Variants in VPS28 observed in about 807,000 individuals in gnomAD.
VPS28 encodes the protein VPS28 subunit of ESCRT-I.
A neutral mutation model predicts 33.7 loss-of-function variants in VPS28; 29 were observed. That is an observed-to-expected ratio of 0.86 (90% CI 0.64 to 1.17). The LOEUF (loss-of-function observed/expected upper bound fraction) is 1.17. VPS28 is among the 50% of genes most tolerant of loss of function. The pLI, the probability that VPS28 is intolerant of heterozygous loss-of-function variation, is 0.00. For synonymous variants in VPS28, 164 were observed against 116.7 expected, an observed-to-expected ratio of 1.40 and a Z score of -2.61; for missense variants, 247 against 312.2, an observed-to-expected ratio of 0.79 and a Z score of 1.57.
At chr8:144,425,839 C>A in intron 4 of VPS28, 67 bp from the exon 5 acceptor site, 2 of 1,602,690 alleles carry the variant, frequency 1.2e-6, no homozygotes, top group Non-Finnish European at 1.7e-6. Flanking sequence ...AGTGCTACCC[C>A]CTGCCCGGAG....
rs1377977051 is a variant in VPS28 at position 144,424,346 on chromosome 8, C to T, written c.403-78G>A. On this transcript the variant is annotated intron_variant, in intron 7 of 9. Transcript: ENST00000292510. ...CACGGCTCACGGGCCCCAACCCCTC[C>T]TCAGCCACAGCTGTCACTTGGGCCT... 1.4e-5 allele frequency: 21 copies of T among 1,509,300 alleles called. No homozygotes were observed. The Middle Eastern group carries it at 3.7e-3, about 267-fold the overall frequency. The allele number at this position is 1,509,300 out of a possible 1,614,324, so 93.5% of individuals were successfully genotyped here.
chr8:144,426,120 T>G, intron 3 of VPS28, 57 bp from the exon 4 acceptor site: 1 of 1,575,968 alleles, frequency 6.3e-7, no homozygotes, highest in South Asian at 1.2e-5. Context: ...AGGACCCTGG[T>G]GAGGCCACAC....
chr8:144,424,304 A>G (rs2130814973), intron 7 of VPS28, 36 bp from the exon 8 acceptor site: 1 of 1,556,074 alleles, frequency 6.4e-7, no homozygotes, highest in South Asian at 1.2e-5. Context: ...TCGCGTGTCC[A>G]CGGGTGCGGG....
At chr8:144,424,330 C>A in intron 7 of VPS28, 62 bp from the exon 8 acceptor site, 1 of 1,528,966 alleles carries the variant, frequency 6.5e-7, no homozygotes, top group South Asian at 1.3e-5. Flanking sequence ...CCACGGCTCA[C>A]GGGCCCCAAC....
rs1554876237 is a variant in VPS28, at chr8:144,424,769, G to A, written c.351C>T (p.Thr117=). Reference sequence around the variant, plus strand: ...TGAGGTTGCCCTTGTCGTCCTTGATGGTGATGGGCCGGTCCTCCTTGATCC... The same window carrying A: ...TGAGGTTGCCCTTGTCGTCCTTGATAGTGATGGGCCGGTCCTCCTTGATCC... ...MERIKEDRPI[T]IKDDKGNLNR... is the part of the protein sequence containing the mutation. Residue 117 remains threonine (T), a synonymous_variant, in exon 7 of 10, where the codon ACC becomes ACT. Coordinates refer to ENST00000292510, the MANE Select transcript of VPS28 (RefSeq NM_016208.4). 4.3e-6 allele frequency: 7 copies of A among 1,613,736 alleles called. No homozygotes were observed. Among genetic ancestry groups the A allele is most frequent in the Non-Finnish European group, 5.1e-6 (6 of 1,179,976 alleles).
At chr8:144,424,670 A>G (rs782296725) in intron 7 of VPS28, 48 bp downstream of exon 7, 4 of 1,591,410 alleles carry the variant, frequency 2.5e-6, no homozygotes, top group East Asian at 4.5e-5. Flanking sequence ...CAGCTGCAGC[A>G]GGCAGCCTCG....
In VPS28 at chr8:144,423,926, G is replaced by C. The variant is rs1554875836; in HGVS notation, c.549-4C>G. 3 of 1,613,134 alleles carry C rather than the reference G, an allele frequency of 1.9e-6. No homozygotes were observed. Among genetic ancestry groups the C allele is most frequent in the East Asian group, 2.2e-5 (1 of 44,890 alleles). On this transcript the variant is annotated splice_polypyrimidine_tract_variant and splice_region_variant and intron_variant, in intron 9 of 9. Transcript: ENST00000292510. ...CATGCCGCTCAGGGTCTGCAGCCTG[G>C]GAGTGCAGCACAGGGCATGTGGGGG...
intron 4 of VPS28, 107 bp from the exon 5 acceptor site, chr8:144,425,879 T>TG (rs1822697071): frequency 1.3e-6 from 2 of 1,553,602 alleles, no homozygotes; most frequent in Non-Finnish European, 1.7e-6. Flanking sequence ...GCCCACCTCT[T>TG]GCTCCATCCT....
chr8:144,423,992 G>A, intron 9 of VPS28, 49 bp downstream of exon 9: 1 of 1,608,818 alleles, frequency 6.2e-7, no homozygotes, highest in Non-Finnish European at 8.5e-7. Flanking sequence ...GCCTGGCTGG[G>A]AGGGTCTCGG....
intron 2 of VPS28, 56 bp from the exon 3 acceptor site, chr8:144,426,264 A>T (rs1258260407): frequency 1.3e-6 from 2 of 1,520,610 alleles, no homozygotes; most frequent in East Asian, 4.7e-5. Context: ...CCAAGGGCAG[A>T]CTCCAGTCCC....
rs782377453 is a variant in VPS28, at chr8:144,426,921, G to T, written c.25C>A (p.Pro9Thr). 8 of 1,612,688 alleles carry T rather than the reference G, an allele frequency of 5.0e-6. No homozygotes were observed. The East Asian group carries it at 1.6e-4, about 31-fold the overall frequency. ...CAGCCACACTCACCTCCTATGCCCG[G>T]CGTGGCTGGGATCCCATGAAACATC... MFHGIPAT[P>T]GIGAPGNKPE... The change falls in exon 2 of 10, where the codon CCG (proline) becomes ACG (threonine). Residue 9 changes from proline to threonine, a missense_variant. Pro to Thr is a conservative substitution (Grantham distance 38, BLOSUM62 -1). This residue lies in a region of VPS28 where 149 missense variants were observed against 172.8 expected (regional missense o/e 0.86). Transcript: ENST00000292510.
rs368936001 is a variant in VPS28 at position 144,425,212 on chromosome 8, G to A, written c.195-161C>T. ...GGGGCTGCTAGTAGCTTTTGGGGGT[G>A]AGGCCCTGAGCACGTAGTGGGGCTT... On this transcript the variant is annotated intron_variant, in intron 5 of 9. Coordinates refer to ENST00000292510, the MANE Select transcript of VPS28 (RefSeq NM_016208.4). 31 of 649,622 alleles carry A rather than the reference G, an allele frequency of 4.8e-5. No individual in the cohort carries two copies. The East Asian group carries it at 5.2e-4, about 11-fold the overall frequency. The allele number at this position is 649,622 out of a possible 1,614,324, so 40.2% of individuals were successfully genotyped here.
intron 2 of VPS28, 113 bp downstream of exon 2, chr8:144,426,796 G>T: frequency 8.1e-7 from 1 of 1,227,380 alleles, no homozygotes; most frequent in Non-Finnish European, 1.2e-6. Context: ...CACCCCCAAG[G>T]CTGTACGAGA....
intron 5 of VPS28, 28 bp from the exon 6 acceptor site, chr8:144,425,079 C>A: frequency 6.5e-7 from 1 of 1,543,590 alleles, no homozygotes; most frequent in Non-Finnish European, 8.8e-7. Context: ...GCTGCCCAAG[C>A]ATGGGACCAG....
At chr8:144,427,579 A>G (rs1385372252) in intron 1 of VPS28, among the ~76,000 whole-genome samples, 2 of 152,184 alleles carry the variant, frequency 1.3e-5, no homozygotes, top group Non-Finnish European at 2.9e-5. Flanking sequence ...GGCACAGGAA[A>G]CAACACACTT....
chr8:144,427,779 A>G (rs775663619), intron 1 of VPS28, among the ~76,000 whole-genome samples: 1 of 152,268 alleles, frequency 6.6e-6, no homozygotes, highest in Non-Finnish European at 1.5e-5. Flanking sequence ...CCAGCTCCAG[A>G]CGTTCTCTCT....
At position 144,423,699 on chromosome 8, in the gene VPS28, T is replaced by C. The variant is rs1822519742; in HGVS notation, c.*106A>G. ...CAAAGACAGACACCAGACAGGCAGC[T>C]GCAGACAGTGAGTTGTGTGGATGAC... On this transcript the variant is annotated 3_prime_UTR_variant, in exon 10 of 10. Coordinates refer to ENST00000292510, the MANE Select transcript of VPS28 (RefSeq NM_016208.4). 7.1e-7 allele frequency: 1 copy of C among 1,414,496 alleles called. No individual in the cohort carries two copies. The highest frequency in any genetic ancestry group is 1.4e-5 in the African/African-American group (1 of 70,734). 87.6% of individuals were successfully genotyped at this position (1,414,496 alleles called of 1,614,324 possible).
At chr8:144,426,861 G>T in intron 2 of VPS28, 48 bp downstream of exon 2, 1 of 1,607,382 alleles carries the variant, frequency 6.2e-7, no homozygotes, top group Non-Finnish European at 8.5e-7. Context: ...CTGCCCGTCA[G>T]CCCCTGCAGA....
chr8:144,424,993 G>A lies in VPS28; in HGVS notation c.253C>T (p.Gln85Ter), dbSNP rs1237187679. The change falls in exon 6 of 10, where the codon CAG becomes TAG. Residue 85 changes from glutamine to a stop codon, truncating the protein, a stop_gained. Transcript: ENST00000292510. LOFTEE classifies it high-confidence loss of function. The part of the protein sequence containing the change: ...VQYKAAFRQV[Q>*]GSEISSIDEF... ...TCAATAGAGCTGATTTCTGAGCCCT[G>A]GACCTGCCTGAAGGCAGCTTTGTAT... 7.1e-6 allele frequency: 11 copies of A among 1,557,794 alleles called. No homozygotes were observed. The highest frequency in any genetic ancestry group is 1.9e-5 in the Admixed American group (1 of 51,382).
Sources: allele counts gnomAD v4.1 joint callset (sites outside exome capture counted in the v4.1 genomes callset), GRCh38; gene constraint gnomAD v4.1.1; regional missense constraint gnomAD v4.1.1; transcripts MANE v1.5; gene names NCBI Gene and HGNC (gene_info 2026-07-23, HGNC 2026-07-21).